The following ATP8A2 variants were observed in gnomAD, a reference collection of about 807,000 sequenced individuals.
ATP8A2 encodes the protein ATPase phospholipid transporting 8A2, also known as phospholipid-transporting ATPase IB.
A neutral mutation model predicts 165.6 loss-of-function variants in ATP8A2; 100 were observed. The ratio of observed to expected loss-of-function variants is 0.60; its 90% CI spans 0.51 to 0.71. The LOEUF (loss-of-function observed/expected upper bound fraction) is 0.71, where lower values mean the gene tolerates loss of function less well. ATP8A2 is among the 30% of genes least tolerant of loss of function. The probability of loss-of-function intolerance (pLI) is 0.00; values close to 1 mark genes in which losing one functional copy is unlikely to be tolerated. For synonymous variants in ATP8A2, 543 were observed against 548.8 expected, an observed-to-expected ratio of 0.99 and a Z score of 0.15; for missense variants, 1,227 against 1,479.5, an observed-to-expected ratio of 0.83 and a Z score of 2.80.
intron 33 of ATP8A2, among the ~76,000 whole-genome samples, chr13:25,921,947 C>A (rs1656789044): frequency 6.6e-6 from 1 of 152,082 alleles, no homozygotes; most frequent in South Asian, 2.1e-4. Context: ...TTTTGTAAAA[C>A]CATTGTTAGA....
At chr13:25,786,274 G>T (rs761488907) in intron 27 of ATP8A2, among the ~76,000 whole-genome samples, 1 of 152,196 alleles carries the variant, frequency 6.6e-6, no homozygotes, top group Non-Finnish European at 1.5e-5. Context: ...TGTCCTAAGA[G>T]TTTAGAATGC....
intron 35 of ATP8A2, among the ~76,000 whole-genome samples, chr13:25,990,588 A>G (rs1347963328): frequency 6.6e-6 from 1 of 152,160 alleles, no homozygotes; most frequent in South Asian, 2.1e-4. Context: ...AGAGGGAGGG[A>G]GGGAAGCACA....
chr13:25,819,417 A>G (rs1593396748), intron 27 of ATP8A2, among the ~76,000 whole-genome samples: 1 of 152,126 alleles, frequency 6.6e-6, no homozygotes. Context: ...TCTTACTACT[A>G]CTACTGTTAT....
chr13:25,639,987 C>G (rs1369674290), intron 24 of ATP8A2, among the ~76,000 whole-genome samples: 1 of 152,204 alleles, frequency 6.6e-6, no homozygotes, highest in Non-Finnish European at 1.5e-5. Context: ...ACTGAACAAC[C>G]TGCTTCTGAA....
intron 24 of ATP8A2, among the ~76,000 whole-genome samples, chr13:25,610,206 G>A (rs1343758936): frequency 6.6e-6 from 1 of 151,992 alleles, no homozygotes; most frequent in African/African-American, 2.4e-5. Flanking sequence ...ATGTCTACAG[G>A]GGTTTTTCCA....
chr13:25,756,491 T>C (rs2044265256), intron 25 of ATP8A2, among the ~76,000 whole-genome samples: 1 of 152,130 alleles, frequency 6.6e-6, no homozygotes. Flanking sequence ...CAGAATTATG[T>C]GAAAGCTTCC....
chr13:25,522,635 C>T (rs1313651669), intron 2 of ATP8A2, among the ~76,000 whole-genome samples: 1 of 152,014 alleles, frequency 6.6e-6, no homozygotes, highest in Non-Finnish European at 1.5e-5. Context: ...TGAATTTTGT[C>T]AAATACTTTT....
At position 26,020,141 on chromosome 13, in the gene ATP8A2, C is replaced by T; in HGVS notation, c.*156C>T. 1 of 628,974 alleles carries T rather than the reference C, an allele frequency of 1.6e-6. No homozygotes were observed. Among genetic ancestry groups the T allele is most frequent in the South Asian group, 1.9e-5 (1 of 51,568 alleles). The allele number at this position is 628,974 out of a possible 1,614,324, so 39.0% of individuals were successfully genotyped here. ...AAGCAGTTTGTTAGTTACATATTCCCTCGCAAACCTGGAGTGCAGACCACA... is the reference window on the plus strand; with the variant it reads ...AAGCAGTTTGTTAGTTACATATTCCTTCGCAAACCTGGAGTGCAGACCACA... On this transcript the variant is annotated 3_prime_UTR_variant, in exon 37 of 37. Transcript: ENST00000381655.
At chr13:25,966,944 G>T (rs1251644181) in intron 34 of ATP8A2, among the ~76,000 whole-genome samples, 4 of 152,170 alleles carry the variant, frequency 2.6e-5, no homozygotes, top group Non-Finnish European at 5.9e-5. Context: ...TGGAGAGAGG[G>T]ATCCTGGAAG....
chr13:25,522,615 A>G (rs1268099086), intron 2 of ATP8A2, among the ~76,000 whole-genome samples: 1 of 152,216 alleles, frequency 6.6e-6, no homozygotes, highest in African/African-American at 2.4e-5. Context: ...TCTTTATCAT[A>G]AAGAGATACT....
chr13:25,522,290 A>G (rs1246382559), intron 2 of ATP8A2, among the ~76,000 whole-genome samples: 1 of 152,090 alleles, frequency 6.6e-6, no homozygotes, highest in Non-Finnish European at 1.5e-5. Flanking sequence ...TGGCATATAG[A>G]AATGCTACTG....
At chr13:25,514,461 G>C (rs1362312896) in intron 2 of ATP8A2, among the ~76,000 whole-genome samples, 2 of 152,174 alleles carry the variant, frequency 1.3e-5, no homozygotes, top group African/African-American at 4.8e-5. Flanking sequence ...TGTGAGTGCA[G>C]GCCAGATAGC....
intron 1 of ATP8A2, among the ~76,000 whole-genome samples, chr13:25,380,096 A>G (rs2032784958): frequency 6.6e-6 from 1 of 152,168 alleles, no homozygotes; most frequent in Non-Finnish European, 1.5e-5. Flanking sequence ...GGCTGTTGTA[A>G]TACTCCAGGT....
intron 25 of ATP8A2, among the ~76,000 whole-genome samples, chr13:25,768,085 G>GA: frequency 7.6e-6 from 1 of 131,006 alleles, no homozygotes; most frequent in Admixed American, 7.7e-5. Flanking sequence ...GTGGGGGGGG[G>GA]GTGGTGGGGG....
At chr13:25,925,232 T>TA (rs1471832255) in intron 33 of ATP8A2, among the ~76,000 whole-genome samples, 1 of 152,130 alleles carries the variant, frequency 6.6e-6, no homozygotes, top group Non-Finnish European at 1.5e-5. Context: ...TTATTCAGAC[T>TA]AAAAAAATTA....
intron 2 of ATP8A2, among the ~76,000 whole-genome samples, chr13:25,484,353 C>T (rs2036291177): frequency 6.6e-6 from 1 of 152,092 alleles, no homozygotes; most frequent in South Asian, 2.1e-4. Context: ...TACCCTCCCT[C>T]CTTTTTTCCC....
chr13:25,495,686 C>T (rs911194402), intron 2 of ATP8A2, among the ~76,000 whole-genome samples: 5 of 140,614 alleles, frequency 3.6e-5, no homozygotes, highest in South Asian at 2.3e-4. Flanking sequence ...AGTCTGGTCT[C>T]GAACTCCTGA....
At chr13:25,957,749 G>T (rs1955558864) in intron 33 of ATP8A2, among the ~76,000 whole-genome samples, 1 of 152,114 alleles carries the variant, frequency 6.6e-6, no homozygotes, top group African/African-American at 2.4e-5. Flanking sequence ...ATGTGACCCA[G>T]CAATTCCATT....
intron 27 of ATP8A2, among the ~76,000 whole-genome samples, chr13:25,783,376 T>G (rs2044936419): frequency 6.6e-6 from 1 of 152,260 alleles, no homozygotes; most frequent in African/African-American, 2.4e-5. Context: ...GGGAATTAAC[T>G]AGAAATGTAA....
Sources: allele counts gnomAD v4.1 joint callset (sites outside exome capture counted in the v4.1 genomes callset), GRCh38; gene constraint gnomAD v4.1.1; transcripts MANE v1.5; gene names NCBI Gene and HGNC (gene_info 2026-07-23, HGNC 2026-07-21).